ZNF624: variants seen among roughly 807,000 people sequenced by gnomAD.
ZNF624 encodes zinc finger protein 624.
In ZNF624, 43 loss-of-function variants were observed where a neutral mutation model predicts 74.7. The ratio of observed to expected loss-of-function variants is 0.58; its 90% CI spans 0.45 to 0.74. The LOEUF (loss-of-function observed/expected upper bound fraction) is 0.74, where lower values mean the gene tolerates loss of function less well. Ranked by LOEUF, ZNF624 falls within the 30% of genes least tolerant of loss-of-function variation. The pLI, the probability that ZNF624 is intolerant of heterozygous loss-of-function variation, is 0.00. For missense variants in ZNF624, 820 were observed against 1,030.0 expected, an observed-to-expected ratio of 0.80 and a Z score of 2.79; for synonymous variants, 331 against 341.3, an observed-to-expected ratio of 0.97 and a Z score of 0.33.
the ZNF624 span, among the ~76,000 whole-genome samples, chr17:16,614,284 G>A: frequency 1.3e-5 from 2 of 152,004 alleles, no homozygotes; most frequent in Non-Finnish European, 2.9e-5. Flanking sequence ...AAAATTAAAT[G>A]TTAAGTCCTA....
At chr17:16,628,508 TAACTC>T (rs1435871249) in intron 5 of ZNF624, among the ~76,000 whole-genome samples, 2 of 152,124 alleles carry the variant, frequency 1.3e-5, no homozygotes, top group Non-Finnish European at 2.9e-5. Flanking sequence ...TATAGTAACT[TAACTC>T]AAACTATGGG....
intron 3 of ZNF624, among the ~76,000 whole-genome samples, chr17:16,637,306 GA>G (rs1909357614): frequency 6.6e-6 from 1 of 152,212 alleles, no homozygotes; most frequent in Non-Finnish European, 1.5e-5. Flanking sequence ...GTAATTTATA[GA>G]TTCAACGCCA....
In ZNF624 at chr17:16,633,845, G is replaced by C; in HGVS notation, c.376+17C>G. On this transcript the variant is annotated intron_variant, in intron 5 of 5. Coordinates refer to ENST00000311331, the MANE Select transcript of ZNF624 (RefSeq NM_020787.4). ...TACTTCAAATAAATCCCATCTTCTT[G>C]GTTCTGTTTAACTCACCAGGATAGG... 6.3e-7 allele frequency: 1 copy of C among 1,579,790 alleles called. No individual in the cohort carries two copies. The highest frequency in any genetic ancestry group is 8.7e-7 in the Non-Finnish European group (1 of 1,149,582).
downstream of ZNF624, chr17:16,617,866 T>C: frequency 6.2e-7 from 1 of 1,606,410 alleles, no homozygotes; most frequent in Non-Finnish European, 8.5e-7. Flanking sequence ...AGGCGTCCTA[T>C]GTAGACGCGC....
chr17:16,620,635 T>C (rs1449450976), downstream of ZNF624: 1 of 152,220 alleles, frequency 6.6e-6, no homozygotes, highest in African/African-American at 2.4e-5. Context: ...CCAATTTCCA[T>C]GCTCTAAGAT....
At chr17:16,618,046 A>C (rs970104716), downstream of ZNF624, among the ~76,000 whole-genome samples, 1 of 152,224 alleles carries the variant, frequency 6.6e-6, no homozygotes, top group Admixed American at 6.5e-5. Context: ...AATTGAAAAA[A>C]TTGTTGCAAA....
At chr17:16,648,210 C>T (rs1240823452) in intron 2 of ZNF624, among the ~76,000 whole-genome samples, 1 of 151,938 alleles carries the variant, frequency 6.6e-6, no homozygotes, top group Non-Finnish European at 1.5e-5. Flanking sequence ...TCCCAAAGTG[C>T]TAGGATTGCA....
At position 16,623,614 on chromosome 17, in the gene ZNF624, G is replaced by T; in HGVS notation, c.1272C>A (p.Ala424=). The T allele has an allele frequency of 6.2e-7, 1 of 1,611,484 alleles. No individual in the cohort carries two copies. Among genetic ancestry groups the T allele is most frequent in the Non-Finnish European group, 8.5e-7 (1 of 1,179,212 alleles). Residue 424 remains alanine (A), a synonymous_variant, in exon 6 of 6, where the codon GCC becomes GCA. Coordinates refer to ENST00000311331, the MANE Select transcript of ZNF624 (RefSeq NM_020787.4). This position sits in a 1 kb window ranked among gnomAD's most constrained non-coding sequence, Gnocchi z 5.3. ...KPYKCDDCGK[A]FRNKSYLSVH... ...CACTAAGATATGACTTGTTCCTAAA[G>T]GCTTTCCCACAATCATCACATTTGT...
downstream of ZNF624, among the ~76,000 whole-genome samples, chr17:16,616,138 CTTT>C (rs57071853): frequency 6.9e-6 from 1 of 144,664 alleles, no homozygotes. Flanking sequence ...TAGTAACTTC[CTTT>C]TTTTTTTTTA....
At chr17:16,626,409 A>C (rs1909073159) in intron 5 of ZNF624, among the ~76,000 whole-genome samples, 1 of 151,894 alleles carries the variant, frequency 6.6e-6, no homozygotes, top group South Asian at 2.1e-4. Flanking sequence ...TTGCTGTCAT[A>C]GGATATTATA....
At chr17:16,614,735 G>C in the ZNF624 span, among the ~76,000 whole-genome samples, 1 of 152,016 alleles carries the variant, frequency 6.6e-6, no homozygotes, top group South Asian at 2.1e-4. Flanking sequence ...AGTCAAACAA[G>C]GCTATTACAA....
intron 4 of ZNF624, 71 bp from the exon 5 acceptor site, chr17:16,634,028 T>C: frequency 1.6e-6 from 2 of 1,215,078 alleles, no homozygotes; most frequent in Non-Finnish European, 2.4e-6. Flanking sequence ...TCAGTCTCAG[T>C]TCTTAATCTT....
chr17:16,648,400 A>G (rs1909644759), intron 2 of ZNF624, among the ~76,000 whole-genome samples: 1 of 152,240 alleles, frequency 6.6e-6, no homozygotes, highest in South Asian at 2.1e-4. Context: ...CCTCAACAAC[A>G]TCTTGTCTAA....
At chr17:16,617,706 T>A (rs1248378781), downstream of ZNF624, 2 of 1,604,482 alleles carry the variant, frequency 1.2e-6, no homozygotes, top group Admixed American at 1.7e-5. Context: ...GCCGCAGAGC[T>A]CCTCGCTGTT....
chr17:16,627,122 T>G (rs1054333068), intron 5 of ZNF624, among the ~76,000 whole-genome samples: 1 of 151,560 alleles, frequency 6.6e-6, no homozygotes, highest in Non-Finnish European at 1.5e-5. Context: ...AATTTGGAAT[T>G]CAGAAACTAA....
At chr17:16,617,492 G>C, downstream of ZNF624, 2 of 1,601,790 alleles carry the variant, frequency 1.2e-6, no homozygotes, top group Non-Finnish European at 1.7e-6. Context: ...CCTGCTTGTC[G>C]CATAAAATCC....
downstream of ZNF624, among the ~76,000 whole-genome samples, chr17:16,620,121 G>A (rs953557862): frequency 9.9e-5 from 15 of 152,132 alleles, no homozygotes; most frequent in Non-Finnish European, 1.6e-4. Context: ...CCCTGGCATC[G>A]TGAAAGGGTA....
chr17:16,617,357 T>C (rs1331637876), downstream of ZNF624: 206 of 1,613,642 alleles, frequency 1.3e-4, no homozygotes, highest in Middle Eastern at 8.9e-4. Context: ...ATAAGCCTAA[T>C]ATTTCTGCCA....
At chr17:16,616,914 A>C, downstream of ZNF624, 1 of 1,525,260 alleles carries the variant, frequency 6.6e-7, no homozygotes, top group Non-Finnish European at 9.0e-7. Context: ...AGGATCTTGA[A>C]GTAGCTCTTT....
Sources: gnomAD v4.1 joint callset for allele counts (sites outside exome capture counted in the v4.1 genomes callset) on GRCh38, gnomAD v4.1.1 for gene constraint, Gnocchi (gnomAD v3.1) non-coding constraint, MANE v1.5 for transcripts, NCBI Gene and HGNC (gene_info 2026-07-23, HGNC 2026-07-21) for gene names.